The following TBC1D4 variants were observed in gnomAD, a reference collection of about 807,000 sequenced individuals.
The protein encoded by TBC1D4 is TBC1 domain family member 4.
A neutral mutation model predicts 142.5 loss-of-function variants in TBC1D4; 121 were observed. That is an observed-to-expected ratio of 0.85 (90% CI 0.73 to 0.99). TBC1D4 has a LOEUF of 0.99. Among genes scored for constraint, TBC1D4 ranks in the 50% least tolerant of loss-of-function variants. The pLI is 0.00. For synonymous variants in TBC1D4, 630 were observed against 628.2 expected, an observed-to-expected ratio of 1.00 and a Z score of -0.04; for missense variants, 1,475 against 1,606.6, an observed-to-expected ratio of 0.92 and a Z score of 1.40.
At chr13:75,317,170 C>T (rs1878388679) in intron 12 of TBC1D4, among the ~76,000 whole-genome samples, 1 of 152,148 alleles carries the variant, frequency 6.6e-6, no homozygotes, top group African/African-American at 2.4e-5. Flanking sequence ...CAGCATTAGG[C>T]ACTGCAGCTG....
chr13:75,463,635 T>A (rs897913531), intron 1 of TBC1D4, among the ~76,000 whole-genome samples: 6 of 152,248 alleles, frequency 3.9e-5, no homozygotes, highest in African/African-American at 1.4e-4. Flanking sequence ...ACCTCAGTAT[T>A]GGTGAAAATG....
chr13:75,367,040 G>A (rs889191150), intron 1 of TBC1D4: 8 of 949,142 alleles, frequency 8.4e-6, no homozygotes, highest in Non-Finnish European at 1.0e-5. Flanking sequence ...TATTTTCATT[G>A]TATTTATTAA....
At chr13:75,291,201 C>T (rs1353930661) in intron 19 of TBC1D4, among the ~76,000 whole-genome samples, 1 of 152,142 alleles carries the variant, frequency 6.6e-6, no homozygotes, top group Non-Finnish European at 1.5e-5. Context: ...TACTTTCTGG[C>T]TGGCTTCTGG....
intron 1 of TBC1D4, among the ~76,000 whole-genome samples, chr13:75,438,804 T>C (rs1381859306): frequency 2.0e-5 from 3 of 152,312 alleles, no homozygotes; most frequent in East Asian, 1.9e-4. Context: ...AACAGATACG[T>C]ATCTATGTAG....
At chr13:75,457,612 T>C (rs9543932) in intron 1 of TBC1D4, among the ~76,000 whole-genome samples, 2,027 of 152,338 alleles carry the variant, frequency 0.013, 17 homozygotes, top group Non-Finnish European at 0.022. Context: ...AATTAAGCAC[T>C]ATAATCCTTG....
chr13:75,324,150 T>A, intron 11 of TBC1D4, 87 bp downstream of exon 11: 1 of 1,499,484 alleles, frequency 6.7e-7, no homozygotes, highest in African/African-American at 1.4e-5. Flanking sequence ...TAAATGTCAC[T>A]CCAAAATTAA....
chr13:75,375,997 T>C (rs1883484861), intron 1 of TBC1D4: 1 of 152,154 alleles, frequency 6.6e-6, no homozygotes, highest in Non-Finnish European at 1.5e-5. Flanking sequence ...TGTATTCTTT[T>C]CATAATGATC....
At chr13:75,302,147 T>G in intron 16 of TBC1D4, 96 bp downstream of exon 16, 1 of 1,491,550 alleles carries the variant, frequency 6.7e-7, no homozygotes, top group East Asian at 2.3e-5. Flanking sequence ...CAACAGGTGC[T>G]CTTTATCAGC....
intron 19 of TBC1D4, among the ~76,000 whole-genome samples, chr13:75,289,557 T>C (rs979380729): frequency 3.3e-5 from 5 of 152,074 alleles, no homozygotes; most frequent in Non-Finnish European, 5.9e-5. Context: ...TTGCATAGGG[T>C]ATTACTGTAA....
At chr13:75,297,975 A>G (rs933036854) in intron 17 of TBC1D4, among the ~76,000 whole-genome samples, 4 of 152,146 alleles carry the variant, frequency 2.6e-5, no homozygotes. Flanking sequence ...AGAAAAATGG[A>G]ATACTTCATC....
intron 19 of TBC1D4, among the ~76,000 whole-genome samples, chr13:75,289,557 T>A (rs979380729): frequency 1.3e-5 from 2 of 152,074 alleles, no homozygotes; most frequent in East Asian, 3.8e-4. Context: ...TTGCATAGGG[T>A]ATTACTGTAA....
At chr13:75,310,629 CCT>C (rs1877655888) in intron 13 of TBC1D4, among the ~76,000 whole-genome samples, 1 of 152,178 alleles carries the variant, frequency 6.6e-6, no homozygotes, top group Non-Finnish European at 1.5e-5. Flanking sequence ...TCCTGCAACA[CCT>C]TTTTCTTTTT....
Position 75,295,041 on chromosome 13 carries a change from AT to A in TBC1D4, c.3157-29del, listed in dbSNP as rs757156882. On this transcript the variant is annotated intron_variant, in intron 17 of 20. Coordinates refer to ENST00000377636, the MANE Select transcript of TBC1D4 (RefSeq NM_014832.5). ...AAAGTTAATTTGGAGAAGAAAAAAAATATTATGCATTTATCTGCATGTGCAT... is the reference window on the plus strand; with the variant it reads ...AAAGTTAATTTGGAGAAGAAAAAAAAATTATGCATTTATCTGCATGTGCAT... 9.9e-6 allele frequency: 16 copies of A among 1,609,610 alleles called. No homozygotes were observed. The African/African-American group carries it at 1.3e-4, about 13-fold the overall frequency.
chr13:75,320,047 C>A lies in TBC1D4; in HGVS notation c.2199-10G>T, dbSNP rs1359321633. On this transcript the variant is annotated splice_polypyrimidine_tract_variant and intron_variant, in intron 11 of 20. Coordinates refer to ENST00000377636, the MANE Select transcript of TBC1D4 (RefSeq NM_014832.5). Reference sequence around the variant, plus strand: ...TGAAGCAGTGTCTTGTCTGGTACAACAGGAAAACAAGGAATGGAATTAGCA... The same window carrying A: ...TGAAGCAGTGTCTTGTCTGGTACAAAAGGAAAACAAGGAATGGAATTAGCA... 6.2e-7 allele frequency: 1 copy of A among 1,613,232 alleles called. No homozygotes were observed. Among genetic ancestry groups the A allele is most frequent in the Admixed American group, 1.7e-5 (1 of 59,990 alleles).
At chr13:75,328,182 T>C (rs1467383724) in intron 8 of TBC1D4, among the ~76,000 whole-genome samples, 1 of 152,202 alleles carries the variant, frequency 6.6e-6, no homozygotes, top group African/African-American at 2.4e-5. Flanking sequence ...AGAAAAGCTA[T>C]GCAGAAAATG....
intron 1 of TBC1D4, among the ~76,000 whole-genome samples, chr13:75,436,659 A>G (rs77070437): frequency 6.7e-6 from 1 of 149,816 alleles, no homozygotes; most frequent in Non-Finnish European, 1.5e-5. Context: ...CCTGTCTCCA[A>G]AAAAAAAAAA....
chr13:75,420,842 A>C (rs887248348), intron 1 of TBC1D4, among the ~76,000 whole-genome samples: 10 of 152,178 alleles, frequency 6.6e-5, no homozygotes, highest in Admixed American at 6.5e-4. Flanking sequence ...GGAAAGGGTG[A>C]ACAAAATCTA....
chr13:75,299,804 AACCAGT>A lies in TBC1D4; in HGVS notation c.2912-236_2912-231del, dbSNP rs1489132649. On this transcript the variant is annotated intron_variant, in intron 16 of 20. Coordinates refer to ENST00000377636, the MANE Select transcript of TBC1D4 (RefSeq NM_014832.5). ...GATATGGGAGGAAACATTTTATGCT[AACCAGT>A]ACTTCTTTCCAGCAAAAAAAAAAAA... is the stretch of plus-strand genomic sequence containing the variant. Among the ~76,000 whole-genome samples, 12 of 141,052 alleles carry A rather than the reference AACCAGT, an allele frequency of 8.5e-5. No individual in the cohort carries two copies. In the Admixed American group the frequency reaches 8.7e-4, roughly 10 times the overall value. The allele number at this position is 141,052 out of a possible 152,430, so 92.5% of individuals were successfully genotyped here. A position where few individuals can be genotyped will look rare whatever the true frequency, so the allele number is the denominator to read the frequency against.
At chr13:75,420,700 T>C (rs921339655) in intron 1 of TBC1D4, among the ~76,000 whole-genome samples, 17 of 152,352 alleles carry the variant, frequency 1.1e-4, no homozygotes, top group Admixed American at 9.1e-4. Context: ...TTATGCTTCC[T>C]GAGATCCTTG....
Sources: allele counts gnomAD v4.1 joint callset (sites outside exome capture counted in the v4.1 genomes callset), GRCh38; gene constraint gnomAD v4.1.1; transcripts MANE v1.5; gene names NCBI Gene and HGNC (gene_info 2026-07-23, HGNC 2026-07-21).